Variants in POFUT4 observed in about 807,000 individuals in gnomAD.
The protein encoded by POFUT4 is protein O-fucosyltransferase 4.
At chr10:73,777,274 T>C in the POFUT4 span, among the ~76,000 whole-genome samples, 1 of 150,266 alleles carries the variant, frequency 6.7e-6, no homozygotes, top group East Asian at 1.9e-4. Context: ...TAGGCCAATA[T>C]GAGTCAAAGT....
chr10:73,772,336 G>A, the POFUT4 span: 2 of 1,453,174 alleles, frequency 1.4e-6, no homozygotes, highest in Non-Finnish European at 1.8e-6. Flanking sequence ...GAGTGGACAT[G>A]GCGGCCGGCC....
chr10:73,779,692 C>T, the POFUT4 span: 4 of 151,998 alleles, frequency 2.6e-5, no homozygotes, highest in Non-Finnish European at 4.4e-5. Flanking sequence ...ATAATTATTA[C>T]ACAAGTACAG....
chr10:73,777,302 T>C, the POFUT4 span, among the ~76,000 whole-genome samples: 2 of 147,648 alleles, frequency 1.4e-5, no homozygotes, highest in Non-Finnish European at 3.0e-5. Flanking sequence ...TTTTGGTGAG[T>C]AGGTTGACAA....
the POFUT4 span, chr10:73,772,404 A>G: frequency 1.9e-6 from 3 of 1,571,798 alleles, no homozygotes; most frequent in Non-Finnish European, 2.6e-6. Flanking sequence ...GCCAGCGGCC[A>G]TGGGTCCGTA....
chr10:73,773,204 G>C, the POFUT4 span: 3 of 1,611,018 alleles, frequency 1.9e-6, no homozygotes, highest in Non-Finnish European at 2.5e-6. Context: ...ACTCCTACGG[G>C]AAATGCCTGC....
chr10:73,779,791 TGA>T, the POFUT4 span: 3 of 151,884 alleles, frequency 2.0e-5, no homozygotes, highest in East Asian at 3.9e-4. Flanking sequence ...CCTCTCCTAA[TGA>T]CATGGGCTCA....
At chr10:73,774,467 G>A in the POFUT4 span, 3 of 151,982 alleles carry the variant, frequency 2.0e-5, no homozygotes, top group African/African-American at 7.3e-5. Flanking sequence ...AACACTTGAG[G>A]CCAGAGACAA....
At chr10:73,773,825 C>G in the POFUT4 span, 5 of 1,547,638 alleles carry the variant, frequency 3.2e-6, no homozygotes, top group Admixed American at 9.7e-5. Flanking sequence ...GGTAAGAGTG[C>G]TGGGGTCCCC....
chr10:73,772,957 C>G, the POFUT4 span: 5 of 1,605,514 alleles, frequency 3.1e-6, no homozygotes, highest in East Asian at 6.7e-5. Flanking sequence ...GCCGCGGCTA[C>G]GCGCCGCTGC....
the POFUT4 span, chr10:73,772,906 C>T: frequency 6.2e-7 from 1 of 1,611,446 alleles, no homozygotes; most frequent in African/African-American, 1.3e-5. Context: ...CCTATCTGCG[C>T]CGCCCGGTGC....
At chr10:73,779,281 G>C in the POFUT4 span, 1 of 156,826 alleles carries the variant, frequency 6.4e-6, no homozygotes, top group South Asian at 1.9e-4. Flanking sequence ...AAAATCTGTT[G>C]GGCTGGGTGA....
chr10:73,777,848 C>T, the POFUT4 span, among the ~76,000 whole-genome samples: 1 of 150,804 alleles, frequency 6.6e-6, no homozygotes, highest in Admixed American at 6.6e-5. Context: ...AGCCACCGTG[C>T]CCAGGTGCCC....
the POFUT4 span, chr10:73,772,476 G>C: frequency 5.2e-6 from 8 of 1,549,654 alleles, no homozygotes; most frequent in East Asian, 1.9e-4. Flanking sequence ...GCGGTTTTCC[G>C]GCCGCCCTCG....
the POFUT4 span, chr10:73,779,753 T>C: frequency 3.3e-5 from 5 of 152,224 alleles, no homozygotes; most frequent in Non-Finnish European, 7.3e-5. Flanking sequence ...GGTTAAGTGA[T>C]GGTTAAGCAA....
the POFUT4 span, chr10:73,775,846 A>C: frequency 1.1e-5 from 8 of 724,256 alleles, no homozygotes; most frequent in South Asian, 1.3e-4. Flanking sequence ...AATGATGAGT[A>C]GCCAAGGTCT....
the POFUT4 span, chr10:73,774,492 T>C: frequency 6.6e-6 from 1 of 151,920 alleles, no homozygotes; most frequent in South Asian, 2.1e-4. Flanking sequence ...ATATATAATA[T>C]AATATATTGA....
the POFUT4 span, chr10:73,775,423 C>G: frequency 6.2e-7 from 1 of 1,611,312 alleles, no homozygotes; most frequent in South Asian, 1.1e-5. Flanking sequence ...TCACAGCAGT[C>G]TTGTCCAAGT....
At chr10:73,779,913 T>A in the POFUT4 span, 2 of 152,244 alleles carry the variant, frequency 1.3e-5, no homozygotes, top group African/African-American at 4.8e-5. Context: ...GACTTTCTCC[T>A]TTATTCCTAT....
At chr10:73,779,883 T>A in the POFUT4 span, 1 of 152,366 alleles carries the variant, frequency 6.6e-6, no homozygotes, top group South Asian at 2.1e-4. Context: ...TCAGGCCTGC[T>A]TTGTGCTTGG....
Sources: gnomAD v4.1 joint callset for allele counts (sites outside exome capture counted in the v4.1 genomes callset) on GRCh38, gnomAD v4.1.1 for gene constraint, MANE v1.5 for transcripts, NCBI Gene and HGNC (gene_info 2026-07-23, HGNC 2026-07-21) for gene names.